Variants in BRINP2 observed in about 807,000 individuals in gnomAD.
The protein encoded by BRINP2 is BMP/retinoic acid-inducible neural-specific protein 2.
In BRINP2, 21 loss-of-function variants were observed where a neutral mutation model predicts 69.2. The observed-to-expected ratio is 0.30, with a 90% CI of 0.22 to 0.44. BRINP2 has a LOEUF of 0.44. Among genes scored for constraint, BRINP2 ranks in the 20% least tolerant of loss-of-function variants. The probability of loss-of-function intolerance (pLI) is 1.00; values close to 1 mark genes in which losing one functional copy is unlikely to be tolerated. For missense variants in BRINP2, 877 were observed against 986.0 expected, an observed-to-expected ratio of 0.89 and a Z score of 1.48; for synonymous variants, 380 against 394.1, an observed-to-expected ratio of 0.96 and a Z score of 0.42.
chr1:177,230,021 G>A lies in BRINP2; in HGVS notation c.145G>A (p.Val49Ile), dbSNP rs757041919. 5.0e-6 allele frequency: 8 copies of A among 1,613,704 alleles called. No homozygotes were observed. Among genetic ancestry groups the A allele is most frequent in the East Asian group, 2.2e-5 (1 of 44,866 alleles). The change falls in exon 2 of 8, where the codon GTA becomes ATA. Residue 49 changes from valine (V) to isoleucine (I), a missense_variant. Transcript: ENST00000361539. ...AAVVPEQHASVAGQHPLDWLL... is the reference protein window; with the variant it reads ...AAVVPEQHASIAGQHPLDWLL... ...TGTGGTCCCCGAGCAGCATGCCTCC[G>A]TAGCTGGCCAGCATCCCCTGGACTG...
Position 177,280,474 on chromosome 1 carries a change from C to G in BRINP2, c.1298C>G (p.Pro433Arg). The G allele has an allele frequency of 6.2e-7, 1 of 1,614,184 alleles. No homozygotes were observed. The highest frequency in any genetic ancestry group is 8.5e-7 in the Non-Finnish European group (1 of 1,180,012). The change falls in exon 8 of 8, where the codon CCT (proline) becomes CGT (arginine). Residue 433 changes from proline to arginine, a missense_variant. Physicochemically the swap from Pro to Arg is moderately radical, Grantham distance 103 (BLOSUM62 -2). Around this residue, in one of 3 missense-constraint regions of BRINP2, gnomAD observed 566 missense variants for 625.2 expected, o/e 0.91. Transcript: ENST00000361539. The part of the protein sequence containing the change: ...SLLYCGESTF[P>R]GTFLEQSHSC... ...CTCTACTGTGGGGAAAGCACCTTTC[C>G]TGGCACTTTCCTGGAACAGAGCCAC... is the stretch of plus-strand genomic sequence containing the variant.
intron 1 of BRINP2, among the ~76,000 whole-genome samples, chr1:177,173,063 G>T (rs1647986601): frequency 6.6e-6 from 1 of 152,168 alleles, no homozygotes; most frequent in Admixed American, 6.5e-5. Flanking sequence ...GATGACATCA[G>T]GCAACAGCAA....
chr1:177,216,511 A>T (rs1375430125), intron 1 of BRINP2, among the ~76,000 whole-genome samples: 1 of 152,074 alleles, frequency 6.6e-6, no homozygotes, highest in Non-Finnish European at 1.5e-5. Flanking sequence ...TGTACTAGGG[A>T]TAAAATTACT....
chr1:177,186,585 G>A (rs1278459935), intron 1 of BRINP2, among the ~76,000 whole-genome samples: 1 of 152,078 alleles, frequency 6.6e-6, no homozygotes, highest in Non-Finnish European at 1.5e-5. Flanking sequence ...TAGAGGTAAT[G>A]GAGGTCAAAG....
chr1:177,184,995 G>A lies in BRINP2; in HGVS notation c.-77+13263G>A, dbSNP rs547544456. Among the ~76,000 whole-genome samples the A allele has an allele frequency of 6.5e-4, 99 of 152,238 alleles. 1 individual carries two copies. The highest frequency in any genetic ancestry group is 2.2e-3 in the African/African-American group (93 of 41,546). On this transcript the variant is annotated intron_variant, in intron 1 of 7. Transcript: ENST00000361539. ...ATCTGATTCTGTAGGTCTTGCATGA[G>A]ATTCAGAAAACTGAATTTTAACAAG...
At chr1:177,222,477 A>G (rs865792647) in intron 1 of BRINP2, among the ~76,000 whole-genome samples, 15 of 151,970 alleles carry the variant, frequency 9.9e-5, no homozygotes, top group Admixed American at 2.0e-4. Context: ...ATGCCCAGCT[A>G]ATTTTTATAT....
chr1:177,238,940 A>G (rs940951336), intron 2 of BRINP2, among the ~76,000 whole-genome samples: 1 of 152,236 alleles, frequency 6.6e-6, no homozygotes, highest in African/African-American at 2.4e-5. Flanking sequence ...GTACACTTAT[A>G]TAACAGATGA....
intron 3 of BRINP2, 113 bp downstream of exon 3, chr1:177,256,222 T>TG (rs1650751746): frequency 3.5e-6 from 5 of 1,429,390 alleles, no homozygotes; most frequent in Non-Finnish European, 4.7e-6. Context: ...TTTTATTGCC[T>TG]GAGAAGTCTT....
At chr1:177,276,761 G>A (rs1347763369) in intron 6 of BRINP2, among the ~76,000 whole-genome samples, 14 of 152,206 alleles carry the variant, frequency 9.2e-5, no homozygotes, top group Non-Finnish European at 1.8e-4. Context: ...TGCACATAAG[G>A]TTCGCTATAA....
chr1:177,194,151 C>G (rs542511743), intron 1 of BRINP2, among the ~76,000 whole-genome samples: 1 of 152,198 alleles, frequency 6.6e-6, no homozygotes, highest in Non-Finnish European at 1.5e-5. Flanking sequence ...AGAAAGGAAA[C>G]AGTGAAATTC....
At chr1:177,266,496 A>G (rs1052209042) in intron 4 of BRINP2, among the ~76,000 whole-genome samples, 4 of 151,956 alleles carry the variant, frequency 2.6e-5, no homozygotes, top group Non-Finnish European at 5.9e-5. Flanking sequence ...GCGGTGGCTC[A>G]CGCCTGTAAT....
intron 4 of BRINP2, among the ~76,000 whole-genome samples, chr1:177,267,289 C>A (rs1003083715): frequency 6.6e-6 from 1 of 152,182 alleles, no homozygotes; most frequent in Non-Finnish European, 1.5e-5. Context: ...CCAGGTTATT[C>A]TTTTTGTTTT....
At chr1:177,248,864 T>C (rs1442262782) in intron 2 of BRINP2, among the ~76,000 whole-genome samples, 1 of 152,186 alleles carries the variant, frequency 6.6e-6, no homozygotes, top group Admixed American at 6.5e-5. Context: ...CCATTTAGTA[T>C]TCTCATCGGA....
intron 1 of BRINP2, among the ~76,000 whole-genome samples, chr1:177,209,767 G>GA (rs957152653): frequency 3.3e-5 from 5 of 151,068 alleles, no homozygotes; most frequent in Admixed American, 2.6e-4. Flanking sequence ...CAAAAAAAAA[G>GA]AAAAAAAATG....
chr1:177,204,547 T>C (rs1558158498), intron 1 of BRINP2, among the ~76,000 whole-genome samples: 1 of 152,078 alleles, frequency 6.6e-6, no homozygotes, highest in African/African-American at 2.4e-5. Context: ...GAGGCAATGA[T>C]CAATGGTGTC....
rs767658107 is a variant in BRINP2 at position 177,281,285 on chromosome 1, G to T, written c.2109G>T (p.Gln703His). 3.1e-6 allele frequency: 5 copies of T among 1,614,044 alleles called. No individual in the cohort carries two copies. In the Admixed American group the frequency reaches 6.7e-5, roughly 22 times the overall value. Residue 703 changes from glutamine (Q) to histidine (H), a missense_variant, in exon 8 of 8, where the codon CAG becomes CAT. Coordinates refer to ENST00000361539, the MANE Select transcript of BRINP2 (RefSeq NM_021165.4). Reference protein sequence around the residue: ...DPDAIRDLILQLDYPYTQGSQ... With the variant: ...DPDAIRDLILHLDYPYTQGSQ... ...ATGCTATCCGGGACTTAATTCTCCAGTTGGACTACCCATATACTCAAGGTT... is the reference window on the plus strand; with the variant it reads ...ATGCTATCCGGGACTTAATTCTCCATTTGGACTACCCATATACTCAAGGTT...
Position 177,230,939 on chromosome 1 carries a change from CT to C in BRINP2, c.269+796del, listed in dbSNP as rs571280197. On this transcript the variant is annotated intron_variant, in intron 2 of 7. Transcript: ENST00000361539. ...TGTATCTTTAGATAACCCTGGGAGC[CT>C]TGCTGATTTTGTTTCTTTGTTCAAA... is the stretch of plus-strand genomic sequence containing the variant. Among the ~76,000 whole-genome samples the C allele has an allele frequency of 1.2e-3, 185 of 152,294 alleles. 1 individual carries two copies. The highest frequency in any genetic ancestry group is 4.2e-3 in the African/African-American group (173 of 41,556).
rs376484034 is a variant in BRINP2 at position 177,280,827 on chromosome 1, C to T, written c.1651C>T (p.Leu551=). Residue 551 remains leucine, a synonymous_variant, in exon 8 of 8, where the codon CTG becomes TTG. Transcript: ENST00000361539. ...TGACCCTTCCTGGAGGAAGCGCATG[C>T]TGCTCACCCTGAAGAGCAACAAGTA... ...WFDPSWRKRM[L]LTLKSNKYKP... 2.0e-5 allele frequency: 33 copies of T among 1,613,888 alleles called. No individual in the cohort carries two copies. The highest frequency in any genetic ancestry group is 3.3e-4 in the Middle Eastern group (2 of 6,082).
chr1:177,210,263 T>C (rs1299375645), intron 1 of BRINP2, among the ~76,000 whole-genome samples: 1 of 149,710 alleles, frequency 6.7e-6, no homozygotes, highest in Admixed American at 6.6e-5. Flanking sequence ...GCTTTCTATA[T>C]TTACTCACCT....
Sources: gnomAD v4.1 joint callset for allele counts (sites outside exome capture counted in the v4.1 genomes callset) on GRCh38, gnomAD v4.1.1 for gene constraint, gnomAD v4.1.1 regional missense constraint, MANE v1.5 for transcripts, NCBI Gene and HGNC (gene_info 2026-07-23, HGNC 2026-07-21) for gene names.